PDE8B: variants seen among roughly 807,000 people sequenced by gnomAD.
PDE8B encodes the protein phosphodiesterase 8B.
PDE8B carries 26 observed loss-of-function variants against 101.3 expected under a neutral mutation model. That is an observed-to-expected ratio of 0.26 (90% confidence interval 0.19 to 0.36). The LOEUF is 0.36. Ranked by LOEUF, PDE8B falls within the 10% of genes least tolerant of loss-of-function variation. The probability of loss-of-function intolerance (pLI) is 1.00; values close to 1 mark genes in which losing one functional copy is unlikely to be tolerated. For missense variants in PDE8B, 810 were observed against 1,163.1 expected (o/e 0.70, Z 4.42); for synonymous variants, 424 against 429.3 (o/e 0.99, Z 0.15).
chr5:77,191,535 A>G, the PDE8B span, among the ~76,000 whole-genome samples: 1 of 151,948 alleles, frequency 6.6e-6, no homozygotes, highest in Non-Finnish European at 1.5e-5. Context: ...TTGTATTTTT[A>G]GTAGAGACGG....
At chr5:77,133,156 A>C in the PDE8B span, among the ~76,000 whole-genome samples, 1 of 152,230 alleles carries the variant, frequency 6.6e-6, no homozygotes, top group South Asian at 2.1e-4. Context: ...AGTATGTTGC[A>C]AGTAGGGGCT....
At chr5:77,397,026 ATTTT>A (rs71606290) in intron 10 of PDE8B, among the ~76,000 whole-genome samples, 2 of 84,416 alleles carry the variant, frequency 2.4e-5, no homozygotes, top group Non-Finnish European at 2.1e-5. Context: ...CCGATAAGAA[ATTTT>A]TTTTTTTTTT....
intron 1 of PDE8B, among the ~76,000 whole-genome samples, chr5:77,271,351 G>A (rs1762758190): frequency 6.6e-6 from 1 of 152,194 alleles, no homozygotes. Context: ...TTGCCACCCT[G>A]GAAGGCTGTG....
the PDE8B span, among the ~76,000 whole-genome samples, chr5:77,125,832 G>A: frequency 5.3e-5 from 8 of 152,170 alleles, no homozygotes; most frequent in South Asian, 4.1e-4. Flanking sequence ...ATTGTTTAAT[G>A]AGAACAGAGT....
In PDE8B at chr5:77,413,099, C is replaced by T. The variant is rs763626215; in HGVS notation, c.1713-12C>T. The T allele has an allele frequency of 6.2e-7, 1 of 1,612,586 alleles. No homozygotes were observed. The highest frequency in any genetic ancestry group is 1.7e-5 in the Admixed American group (1 of 60,014). ...AATACAATGAGCCAGGGTGGGTTTT[C>T]CTATTTTTCAGGCCATTGGTTTATC... On this transcript the variant is annotated splice_polypyrimidine_tract_variant and intron_variant, in intron 16 of 21. Transcript: ENST00000264917.
intron 1 of PDE8B, among the ~76,000 whole-genome samples, chr5:77,288,887 A>G (rs185286352): frequency 7.0e-6 from 1 of 143,826 alleles, no homozygotes; most frequent in Non-Finnish European, 1.5e-5. Context: ...CCAGACCTAC[A>G]TCCCAGCTTT....
the PDE8B span, among the ~76,000 whole-genome samples, chr5:77,189,405 C>T: frequency 6.6e-6 from 1 of 151,830 alleles, no homozygotes; most frequent in Admixed American, 6.6e-5. Flanking sequence ...GTGGTGAGCA[C>T]CAGAAAGAAA....
intron 6 of PDE8B, among the ~76,000 whole-genome samples, chr5:77,337,536 C>T (rs1778422666): frequency 6.6e-6 from 1 of 152,160 alleles, no homozygotes; most frequent in South Asian, 2.1e-4. Flanking sequence ...GTATTTTCCA[C>T]TATTTACAGA....
chr5:77,156,276 G>A, the PDE8B span, among the ~76,000 whole-genome samples: 2 of 152,124 alleles, frequency 1.3e-5, no homozygotes, highest in Non-Finnish European at 2.9e-5. Context: ...TGCTCTGAGT[G>A]TAATTAACTA....
intron 1 of PDE8B, among the ~76,000 whole-genome samples, chr5:77,258,274 A>C (rs1271954330): frequency 4.9e-5 from 7 of 143,270 alleles, no homozygotes. Flanking sequence ...GGGTGACAAA[A>C]GCGAGACTCC....
chr5:77,417,513 T>C (rs748504035), intron 17 of PDE8B, among the ~76,000 whole-genome samples: 2 of 152,164 alleles, frequency 1.3e-5, no homozygotes, highest in Admixed American at 6.5e-5. Flanking sequence ...GCACAACATC[T>C]CTTATATAAC....
At chr5:77,360,343 G>A (rs921553299) in intron 10 of PDE8B, among the ~76,000 whole-genome samples, 1 of 152,106 alleles carries the variant, frequency 6.6e-6, no homozygotes, top group South Asian at 2.1e-4. Context: ...CACTCCGGAG[G>A]CTTGTACTAA....
chr5:77,144,735 T>C, the PDE8B span: 2 of 152,152 alleles, frequency 1.3e-5, no homozygotes, highest in South Asian at 4.1e-4. Flanking sequence ...GGCAGCAGCG[T>C]TGCAAGGCCG....
chr5:77,177,650 G>A, the PDE8B span, among the ~76,000 whole-genome samples: 1 of 152,162 alleles, frequency 6.6e-6, no homozygotes, highest in East Asian at 1.9e-4. Flanking sequence ...GCACTTTGGG[G>A]CCATTATTAA....
At chr5:77,330,484 C>A (rs544127638) in intron 4 of PDE8B, among the ~76,000 whole-genome samples, 1 of 152,242 alleles carries the variant, frequency 6.6e-6, no homozygotes, top group African/African-American at 2.4e-5. Flanking sequence ...TATTAATACC[C>A]TTGGAACCCT....
intron 1 of PDE8B, among the ~76,000 whole-genome samples, chr5:77,226,567 T>C (rs2149463142): frequency 6.6e-6 from 1 of 152,318 alleles, no homozygotes; most frequent in Non-Finnish European, 1.5e-5. Context: ...CCTATATATT[T>C]TCATATCATA....
At chr5:77,274,537 T>C (rs556615350) in intron 1 of PDE8B, among the ~76,000 whole-genome samples, 23 of 152,366 alleles carry the variant, frequency 1.5e-4, no homozygotes, top group African/African-American at 5.5e-4. Flanking sequence ...CAACCTGGCC[T>C]AGCTACATGT....
chr5:77,339,585 C>G (rs1581130211), intron 6 of PDE8B, among the ~76,000 whole-genome samples: 1 of 152,312 alleles, frequency 6.6e-6, no homozygotes, highest in East Asian at 1.9e-4. Flanking sequence ...GCACATATAC[C>G]TGCACCCCAA....
intron 10 of PDE8B, among the ~76,000 whole-genome samples, chr5:77,376,446 CA>C (rs1479113883): frequency 5.3e-5 from 8 of 152,198 alleles, no homozygotes; most frequent in Non-Finnish European, 8.8e-5. Context: ...GCTCAACAAA[CA>C]CCTGCTGAAT....
Sources: allele counts gnomAD v4.1 joint callset (sites outside exome capture counted in the v4.1 genomes callset), GRCh38; gene constraint gnomAD v4.1.1; transcripts MANE v1.5; gene names NCBI Gene and HGNC (gene_info 2026-07-23, HGNC 2026-07-21).